TYR: variants seen among roughly 807,000 people sequenced by gnomAD.
TYR encodes the protein tyrosinase, also known as LB24-AB.
A neutral mutation model predicts 51.5 loss-of-function variants in TYR; 58 were observed. The observed-to-expected ratio is 1.13, with a 90% CI of 0.91 to 1.40. The LOEUF (loss-of-function observed/expected upper bound fraction) is 1.40, where lower values mean the gene tolerates loss of function less well. Among genes scored for constraint, TYR ranks in the 40% most tolerant of loss-of-function variants. The probability of loss-of-function intolerance (pLI) is 0.00; values close to 1 mark genes in which losing one functional copy is unlikely to be tolerated. For missense variants in TYR, 732 were observed against 647.4 expected, an observed-to-expected ratio of 1.13 and a Z score of -1.42; for synonymous variants, 263 against 235.2, an observed-to-expected ratio of 1.12 and a Z score of -1.08.
intron 2 of TYR, among the ~76,000 whole-genome samples, chr11:89,221,612 A>G (rs1303356066): frequency 1.3e-5 from 2 of 152,198 alleles, no homozygotes; most frequent in Non-Finnish European, 2.9e-5. Flanking sequence ...TCCTAAAACC[A>G]TTGTGCATAA....
chr11:89,205,179 A>G (rs1488921160), intron 2 of TYR, among the ~76,000 whole-genome samples: 2 of 152,150 alleles, frequency 1.3e-5, no homozygotes, highest in African/African-American at 2.4e-5. Flanking sequence ...AGAATAAGTG[A>G]ACTGGAAGAT....
chr11:89,192,294 AAC>A (rs1012512498), intron 2 of TYR, among the ~76,000 whole-genome samples: 6 of 152,134 alleles, frequency 3.9e-5, no homozygotes, highest in African/African-American at 1.4e-4. Context: ...ATCACAAACA[AAC>A]ACAACAAAAC....
At chr11:89,227,683 C>G in intron 2 of TYR, 140 bp from the exon 3 acceptor site, 7 of 760,260 alleles carry the variant, frequency 9.2e-6, no homozygotes, top group Non-Finnish European at 1.5e-5. Flanking sequence ...TGTAAAGAGT[C>G]TCAATACGGA....
At chr11:89,246,508 A>C (rs781033476) in intron 3 of TYR, among the ~76,000 whole-genome samples, 1 of 152,216 alleles carries the variant, frequency 6.6e-6, no homozygotes, top group Non-Finnish European at 1.5e-5. Context: ...CAGTATTGGC[A>C]TCACCTCACT....
intron 2 of TYR, among the ~76,000 whole-genome samples, chr11:89,227,334 G>A (rs1463672873): frequency 6.6e-6 from 1 of 152,098 alleles, no homozygotes; most frequent in Non-Finnish European, 1.5e-5. Context: ...ATGTTCCTGT[G>A]AAAGAGGAAT....
In TYR at chr11:89,183,943, G is replaced by A. The variant is rs75738463; in HGVS notation, c.819+5171G>A. Among the ~76,000 whole-genome samples the A allele has an allele frequency of 3.5e-3, 536 of 152,146 alleles. 1 individual carries two copies. The highest frequency in any genetic ancestry group is 0.012 in the African/African-American group (495 of 41,538). Reference sequence around the variant, plus strand: ...AGATTATTTGATCATTGATAGAAACGTATAATTCCCATTTACAGATGAAAA... The same window carrying A: ...AGATTATTTGATCATTGATAGAAACATATAATTCCCATTTACAGATGAAAA... On this transcript the variant is annotated intron_variant, in intron 1 of 4. Coordinates refer to ENST00000263321, the MANE Select transcript of TYR (RefSeq NM_000372.5).
chr11:89,200,097 C>T (rs1294112884), intron 2 of TYR, among the ~76,000 whole-genome samples: 1 of 152,082 alleles, frequency 6.6e-6, no homozygotes, highest in Non-Finnish European at 1.5e-5. Flanking sequence ...TAAAAGACTT[C>T]AGGAGTTTTG....
intron 3 of TYR, among the ~76,000 whole-genome samples, chr11:89,251,484 A>C (rs1464445043): frequency 6.6e-6 from 1 of 151,912 alleles, no homozygotes; most frequent in Middle Eastern, 3.2e-3. Flanking sequence ...ATGTCACAAC[A>C]ATCTAGAATA....
At chr11:89,247,370 G>T (rs76702030) in intron 3 of TYR, among the ~76,000 whole-genome samples, 1 of 152,156 alleles carries the variant, frequency 6.6e-6, no homozygotes, top group Non-Finnish European at 1.5e-5. Context: ...GGCATCGACT[G>T]GGTTATCAGT....
chr11:89,215,185 A>C (rs983431327), intron 2 of TYR, among the ~76,000 whole-genome samples: 6 of 152,158 alleles, frequency 3.9e-5, no homozygotes, highest in Non-Finnish European at 8.8e-5. Flanking sequence ...TTTTATAAAG[A>C]ATTACTTGGG....
At chr11:89,214,803 A>G (rs1238508072) in intron 2 of TYR, among the ~76,000 whole-genome samples, 1 of 152,208 alleles carries the variant, frequency 6.6e-6, no homozygotes, top group East Asian at 1.9e-4. Flanking sequence ...CCCAGAAATC[A>G]GGAGACTAAG....
At chr11:89,234,715 T>C (rs750428272) in intron 3 of TYR, among the ~76,000 whole-genome samples, 2 of 106,128 alleles carry the variant, frequency 1.9e-5, no homozygotes, top group Non-Finnish European at 3.7e-5. Context: ...TTAGAACACA[T>C]GCATTTATTA....
At chr11:89,193,694 C>A (rs1430008696) in intron 2 of TYR, among the ~76,000 whole-genome samples, 9 of 152,086 alleles carry the variant, frequency 5.9e-5, no homozygotes, top group Admixed American at 5.9e-4. Flanking sequence ...TGTGAGAAAC[C>A]ATTAAGCTCA....
At chr11:89,182,654 A>C (rs957184435) in intron 1 of TYR, among the ~76,000 whole-genome samples, 1 of 152,140 alleles carries the variant, frequency 6.6e-6, no homozygotes, top group Non-Finnish European at 1.5e-5. Flanking sequence ...TTGTTTGCTC[A>C]TTTATTTAAC....
At chr11:89,182,147 G>C (rs1565388279) in intron 1 of TYR, among the ~76,000 whole-genome samples, 4 of 152,214 alleles carry the variant, frequency 2.6e-5, no homozygotes, top group Middle Eastern at 3.4e-3. Flanking sequence ...CAGCCTGTCT[G>C]TATCTGCCAG....
intron 4 of TYR, among the ~76,000 whole-genome samples, chr11:89,289,129 T>A (rs1165369796): frequency 6.6e-6 from 1 of 152,070 alleles, no homozygotes; most frequent in Non-Finnish European, 1.5e-5. Context: ...AGAAGGGTTA[T>A]GTCTTCAATG....
At chr11:89,212,658 T>C (rs1943775449) in intron 2 of TYR, among the ~76,000 whole-genome samples, 1 of 152,060 alleles carries the variant, frequency 6.6e-6, no homozygotes, top group Admixed American at 6.5e-5. Flanking sequence ...TAGGCCAATA[T>C]CCCTGATGAA....
At chr11:89,243,063 C>T (rs1944220067) in intron 3 of TYR, among the ~76,000 whole-genome samples, 1 of 152,170 alleles carries the variant, frequency 6.6e-6, no homozygotes, top group Non-Finnish European at 1.5e-5. Context: ...AATTATCATT[C>T]TCCAACAATT....
At chr11:89,269,694 C>T (rs567769932) in intron 3 of TYR, among the ~76,000 whole-genome samples, 7 of 151,930 alleles carry the variant, frequency 4.6e-5, no homozygotes, top group Admixed American at 3.9e-4. Context: ...TAATTGAGAT[C>T]GGCCACAGTT....
Sources: allele counts gnomAD v4.1 joint callset (sites outside exome capture counted in the v4.1 genomes callset), GRCh38; gene constraint gnomAD v4.1.1; transcripts MANE v1.5; gene names NCBI Gene and HGNC (gene_info 2026-07-23, HGNC 2026-07-21).